The following TMEM132E variants were observed in gnomAD, a reference collection of about 807,000 sequenced individuals.
The protein encoded by TMEM132E is transmembrane protein 132E.
A neutral mutation model predicts 78.5 loss-of-function variants in TMEM132E; 49 were observed. That is an observed-to-expected ratio of 0.62 (90% CI 0.50 to 0.79). TMEM132E has a LOEUF of 0.79. TMEM132E is among the 30% of genes least tolerant of loss of function. The pLI is 0.00. For synonymous variants in TMEM132E, 715 were observed against 670.6 expected (o/e 1.07, Z -1.02); for missense variants, 1,403 against 1,470.9 (o/e 0.95, Z 0.75).
Position 34,636,090 on chromosome 17 carries a change from G to T in TMEM132E, c.2061G>T (p.Gln687His). ...TEEKVSITQL[Q>H]AQVVASLALS... ...AGAAGGTCAGCATCACACAGCTTCA[G>T]GCCCAGGTGGTGGCCAGCCTGGCCC... Residue 687 changes from glutamine (Q) to histidine (H), a missense_variant, in exon 8 of 9, where the codon CAG becomes CAT. By Grantham distance (24) the Gln-to-His change is conservative. This residue lies in a region of TMEM132E where 888 missense variants were observed against 952.8 expected (regional missense o/e 0.93). Transcript: ENST00000631683. 1 of 1,594,812 alleles carries T rather than the reference G, an allele frequency of 6.3e-7. No homozygotes were observed. Among genetic ancestry groups the T allele is most frequent in the Non-Finnish European group, 8.5e-7 (1 of 1,171,836 alleles).
chr17:34,613,166 T>A (rs1358824731), intron 1 of TMEM132E, among the ~76,000 whole-genome samples: 2 of 118,228 alleles, frequency 1.7e-5, no homozygotes, highest in Non-Finnish European at 3.6e-5. Context: ...TCTCTCTCTC[T>A]CTCTCTCTAC....
chr17:34,610,433 A>C (rs917247156), intron 1 of TMEM132E, among the ~76,000 whole-genome samples: 7 of 152,254 alleles, frequency 4.6e-5, no homozygotes, highest in Non-Finnish European at 1.0e-4. Context: ...TCTAAGAGAA[A>C]GTAAAACATG....
At chr17:34,624,032 A>G (rs920430001) in intron 1 of TMEM132E, among the ~76,000 whole-genome samples, 3 of 152,210 alleles carry the variant, frequency 2.0e-5, no homozygotes, top group African/African-American at 7.2e-5. Context: ...AGCATGCCAC[A>G]GGAGAAGTGG....
At chr17:34,592,026 G>C (rs1034059097) in intron 1 of TMEM132E, among the ~76,000 whole-genome samples, 1 of 152,256 alleles carries the variant, frequency 6.6e-6, no homozygotes, top group Non-Finnish European at 1.5e-5. Flanking sequence ...CTTGCCTAGA[G>C]CCAGGCCTTA....
rs1907618867 is a variant in TMEM132E, at chr17:34,638,328, C to G, written c.*96C>G. 6 of 1,317,734 alleles carry G rather than the reference C, an allele frequency of 4.6e-6. No individual in the cohort carries two copies. The Admixed American group carries it at 1.5e-4, about 32-fold the overall frequency. The allele number at this position is 1,317,734 out of a possible 1,614,324, so 81.6% of individuals were successfully genotyped here. On this transcript the variant is annotated 3_prime_UTR_variant, in exon 9 of 9. Coordinates refer to ENST00000631683, the MANE Select transcript of TMEM132E (RefSeq NM_001304438.2). ...CCCGGTTCACACTGACTCTGGGCGG[C>G]TGAATTGATTTTGTACTCCCTGCCC...
intron 1 of TMEM132E, among the ~76,000 whole-genome samples, chr17:34,591,943 G>A (rs541962525): frequency 6.6e-6 from 1 of 152,218 alleles, no homozygotes; most frequent in South Asian, 2.1e-4. Context: ...CCCACGGTGT[G>A]TTTGGAAGTA....
intron 5 of TMEM132E, among the ~76,000 whole-genome samples, chr17:34,631,712 C>T (rs771495497): frequency 3.9e-5 from 6 of 152,072 alleles, no homozygotes; most frequent in Non-Finnish European, 8.8e-5. Flanking sequence ...CATGGATAAA[C>T]CATAGTCCCA....
intron 1 of TMEM132E, among the ~76,000 whole-genome samples, chr17:34,615,108 T>C (rs1906733516): frequency 6.7e-6 from 1 of 149,954 alleles, no homozygotes; most frequent in Non-Finnish European, 1.5e-5. Flanking sequence ...CATACCACCT[T>C]GCTGTATGCT....
intron 1 of TMEM132E, among the ~76,000 whole-genome samples, chr17:34,605,506 G>A (rs1438675581): frequency 1.3e-5 from 2 of 152,186 alleles, no homozygotes; most frequent in Admixed American, 1.3e-4. Flanking sequence ...GTCCTGCTTG[G>A]GCTGAACACA....
chr17:34,631,967 A>G (rs115204512), intron 5 of TMEM132E, among the ~76,000 whole-genome samples: 17 of 152,332 alleles, frequency 1.1e-4, no homozygotes, highest in East Asian at 3.9e-4. Flanking sequence ...ACAGGTATCA[A>G]TGAAGATGTA....
rs748616152 is a variant in TMEM132E at position 34,628,726 on chromosome 17, G to A, written c.1145+17G>A. ...GCCCCCCAGGTGAGCCCGAGGTGGT[G>A]CATCTACCCACCTCTTCGCAAAGCA... On this transcript the variant is annotated intron_variant, in intron 3 of 8. Coordinates refer to ENST00000631683, the MANE Select transcript of TMEM132E (RefSeq NM_001304438.2). 5.1e-6 allele frequency: 8 copies of A among 1,570,800 alleles called. No homozygotes were observed. The highest frequency in any genetic ancestry group is 6.9e-6 in the Non-Finnish European group (8 of 1,157,144).
In TMEM132E at chr17:34,629,125, C is replaced by G. The variant is rs771832453; in HGVS notation, c.1259C>G (p.Ala420Gly). 1 of 1,613,794 alleles carries G rather than the reference C, an allele frequency of 6.2e-7. No individual in the cohort carries two copies. Among genetic ancestry groups the G allele is most frequent in the Non-Finnish European group, 8.5e-7 (1 of 1,179,802 alleles). The change falls in exon 4 of 9, where the codon GCC becomes GGC. Residue 420 changes from alanine (A) to glycine (G), a missense_variant. By Grantham distance (60) the Ala-to-Gly change is moderately conservative (BLOSUM62 0). Around this residue, in one of 3 missense-constraint regions of TMEM132E, gnomAD observed 888 missense variants for 952.8 expected, o/e 0.93. Transcript: ENST00000631683. ...MWHIDYRGHG[A>G]LPDLERAVTE... The stretch of plus-strand genomic sequence containing the variant: ...CACATTGACTACCGTGGCCACGGCG[C>G]CCTGCCTGACCTGGAGCGGGCAGTC...
intron 1 of TMEM132E, among the ~76,000 whole-genome samples, chr17:34,604,357 C>T (rs1906341325): frequency 6.6e-6 from 1 of 152,198 alleles, no homozygotes; most frequent in Non-Finnish European, 1.5e-5. Flanking sequence ...CTCCCCAGCA[C>T]ACCATCCGCC....
chr17:34,609,902 T>C (rs1272574597), intron 1 of TMEM132E, among the ~76,000 whole-genome samples: 1 of 152,134 alleles, frequency 6.6e-6, no homozygotes, highest in Non-Finnish European at 1.5e-5. Context: ...AACCTGCCGG[T>C]CCAGCCCCAT....
At chr17:34,636,309 G>A (rs1907521511) in intron 8 of TMEM132E, 111 bp downstream of exon 8, 1 of 1,113,944 alleles carries the variant, frequency 9.0e-7, no homozygotes, top group Non-Finnish European at 1.2e-6. Flanking sequence ...TTTAGGAAAT[G>A]GAGGATCTCT....
chr17:34,627,321 G>A (rs1440280791), intron 2 of TMEM132E, among the ~76,000 whole-genome samples: 1 of 152,178 alleles, frequency 6.6e-6, no homozygotes, highest in Non-Finnish European at 1.5e-5. Flanking sequence ...TGGTAAAGAG[G>A]AAATATCAGT....
At chr17:34,619,231 TG>T (rs1291880550) in intron 1 of TMEM132E, among the ~76,000 whole-genome samples, 4 of 151,864 alleles carry the variant, frequency 2.6e-5, no homozygotes, top group Non-Finnish European at 4.4e-5. Flanking sequence ...AGATGTGTTT[TG>T]CATCTATATG....
At chr17:34,613,203 A>ACGCGCG (rs1419108167) in intron 1 of TMEM132E, among the ~76,000 whole-genome samples, 1 of 114,476 alleles carries the variant, frequency 8.7e-6, no homozygotes, top group East Asian at 3.5e-4. Flanking sequence ...ACACCCACAC[A>ACGCGCG]CACACACACG....
rs1337699148 is a variant in TMEM132E, at chr17:34,626,191, A to G, written c.132A>G (p.Pro44=). The change falls in exon 2 of 9, where the codon CCA becomes CCG. Residue 44 remains proline (P), a synonymous_variant. Coordinates refer to ENST00000631683, the MANE Select transcript of TMEM132E (RefSeq NM_001304438.2). ...GGCCGCAGGCCAGCCCGGTGCTGCC[A>G]GTCAGCTACCGCCTGTCGCACACGC... ...PPGPQASPVL[P]VSYRLSHTRL... The G allele has an allele frequency of 1.9e-6, 3 of 1,567,238 alleles. No individual in the cohort carries two copies. The highest frequency in any genetic ancestry group is 2.6e-6 in the Non-Finnish European group (3 of 1,156,638).
Sources: gnomAD v4.1 joint callset for allele counts (sites outside exome capture counted in the v4.1 genomes callset) on GRCh38, gnomAD v4.1.1 for gene constraint, gnomAD v4.1.1 regional missense constraint, MANE v1.5 for transcripts, NCBI Gene and HGNC (gene_info 2026-07-23, HGNC 2026-07-21) for gene names.